Variants in DHX36 observed in about 807,000 individuals in gnomAD.
DHX36 encodes the protein DEAH-box helicase 36, also known as ATP-dependent DNA/RNA helicase DHX36.
DHX36 carries 50 observed loss-of-function variants against 139.0 expected under a neutral mutation model. The ratio of observed to expected loss-of-function variants is 0.36; its 90% confidence interval spans 0.29 to 0.46. The LOEUF is 0.46. Ranked by LOEUF, DHX36 falls within the 20% of genes least tolerant of loss-of-function variation. The pLI, the probability that DHX36 is intolerant of heterozygous loss-of-function variation, is 1.00. For missense variants in DHX36, 1,024 were observed against 1,211.3 expected (o/e 0.85, Z 2.29); for synonymous variants, 425 against 401.9 (o/e 1.06, Z -0.69).
intron 1 of DHX36, among the ~76,000 whole-genome samples, chr3:154,323,258 T>C (rs1051548113): frequency 4.0e-5 from 6 of 151,828 alleles, no homozygotes; most frequent in African/African-American, 1.5e-4. Context: ...TCGCTTGAAC[T>C]TGGGAGGCGG....
chr3:154,308,884 G>T (rs902979592), intron 5 of DHX36, among the ~76,000 whole-genome samples: 2 of 152,064 alleles, frequency 1.3e-5, no homozygotes, highest in African/African-American at 2.4e-5. Context: ...CTGAGTAGCT[G>T]CATTCAAAAA....
intron 9 of DHX36, 38 bp from the exon 10 acceptor site, chr3:154,301,165 GA>G (rs772157152): frequency 3.2e-6 from 5 of 1,541,478 alleles, no homozygotes; most frequent in Non-Finnish European, 4.3e-6. Flanking sequence ...TCACTTTTTT[GA>G]AACTCTAGTT....
At chr3:154,312,852 AAT>A (rs67771264) in intron 3 of DHX36, among the ~76,000 whole-genome samples, 1,001 of 39,542 alleles carry the variant, frequency 0.025, 6 homozygotes, top group Non-Finnish European at 0.033. Context: ...AAATAATTAA[AAT>A]ATATATATAT....
intron 6 of DHX36, 75 bp from the exon 7 acceptor site, chr3:154,305,243 T>C (rs2108355618): frequency 7.8e-7 from 1 of 1,279,242 alleles, no homozygotes; most frequent in East Asian, 2.4e-5. Context: ...GGTTTATATC[T>C]TCAATTTTAG....
rs573695069 is a variant in DHX36 at position 154,277,832 on chromosome 3, G to A, written c.2568-114C>T. The A allele has an allele frequency of 1.3e-4, 129 of 987,658 alleles. 1 individual carries two copies. The South Asian group carries it at 1.5e-3, about 12-fold the overall frequency. 61.2% of individuals were successfully genotyped at this position (987,658 alleles called of 1,614,324 possible). On this transcript the variant is annotated intron_variant, in intron 22 of 24. Transcript: ENST00000496811. Reference sequence around the variant, plus strand: ...GCTTGGTAAAAACCAAACAAATCCCGGAATCTAAAAAAATTCCAGAGAATA... The same window carrying A: ...GCTTGGTAAAAACCAAACAAATCCCAGAATCTAAAAAAATTCCAGAGAATA...
At chr3:154,308,967 C>T (rs115594957) in intron 5 of DHX36, among the ~76,000 whole-genome samples, 2 of 151,944 alleles carry the variant, frequency 1.3e-5, no homozygotes, top group African/African-American at 2.4e-5. Context: ...GTGGGCAGAT[C>T]GCTTGAGCCC....
At chr3:154,308,320 A>G (rs1475030425) in intron 5 of DHX36, among the ~76,000 whole-genome samples, 1 of 152,226 alleles carries the variant, frequency 6.6e-6, no homozygotes, top group Non-Finnish European at 1.5e-5. Flanking sequence ...AAGTGCTGTC[A>G]TAATTGGTAA....
At chr3:154,299,578 C>T (rs1325955366) in intron 12 of DHX36, among the ~76,000 whole-genome samples, 1 of 152,058 alleles carries the variant, frequency 6.6e-6, no homozygotes, top group Admixed American at 6.6e-5. Context: ...AATTCAGAAA[C>T]ACTGGGCCAA....
chr3:154,289,364 T>C (rs2108341172), intron 16 of DHX36, among the ~76,000 whole-genome samples: 1 of 152,326 alleles, frequency 6.6e-6, no homozygotes, highest in South Asian at 2.1e-4. Context: ...TAACATGTAA[T>C]AACAGTAGCT....
At position 154,300,994 on chromosome 3, in the gene DHX36, G is replaced by A. The variant is rs1712251476; in HGVS notation, c.1351C>T (p.Arg451Ter). The change falls in exon 10 of 25, where the codon CGA (arginine) becomes TGA (stop). Residue 451 changes from arginine to a stop codon, truncating the protein, a stop_gained. Transcript: ENST00000496811. LOFTEE classifies it high-confidence loss of function. ...ERWPDYVRELRRRYSASTVDV... is the reference protein window; with the variant it reads ...ERWPDYVREL ...CAGACAAAATAAACTTACCTTCTTC[G>A]CAGTTCCCTTACATAATCTGGCCAA... 9 of 1,609,700 alleles carry A rather than the reference G, an allele frequency of 5.6e-6. No individual in the cohort carries two copies. The highest frequency in any genetic ancestry group is 1.3e-5 in the African/African-American group (1 of 74,528).
chr3:154,291,221 T>C (rs1285965230), intron 15 of DHX36, among the ~76,000 whole-genome samples: 1 of 151,638 alleles, frequency 6.6e-6, no homozygotes, highest in African/African-American at 2.4e-5. Flanking sequence ...ATAATAAGGT[T>C]TGCAGAAGGA....
At chr3:154,288,804 T>C (rs1312770282) in intron 17 of DHX36, 62 bp downstream of exon 17, 1 of 949,554 alleles carries the variant, frequency 1.1e-6, no homozygotes, top group African/African-American at 1.7e-5. Flanking sequence ...ACATTATAAT[T>C]AACTGGTTTA....
chr3:154,306,612 T>C (rs1488678585), intron 5 of DHX36, among the ~76,000 whole-genome samples: 1 of 152,194 alleles, frequency 6.6e-6, no homozygotes, highest in Non-Finnish European at 1.5e-5. Context: ...TCTAAACTTG[T>C]AGAAGTTATG....
intron 3 of DHX36, among the ~76,000 whole-genome samples, chr3:154,313,157 C>T (rs1712837879): frequency 6.6e-6 from 1 of 151,720 alleles, no homozygotes; most frequent in Non-Finnish European, 1.5e-5. Flanking sequence ...TCAAATGTTA[C>T]CATCTTAACA....
At chr3:154,285,067 G>A in intron 17 of DHX36, 80 bp from the exon 18 acceptor site, 13 of 1,424,110 alleles carry the variant, frequency 9.1e-6, no homozygotes, top group East Asian at 4.6e-5. Context: ...TTTAAAAAGA[G>A]TAACAAGCCA....
chr3:154,277,619 G>A lies in DHX36; in HGVS notation c.2667C>T (p.His889=), dbSNP rs368518294. Residue 889 remains histidine (H), a synonymous_variant, in exon 23 of 25, where the codon CAC becomes CAT. Transcript: ENST00000496811. ...TTACACTGCTTGTTCTCATCTTTAG[G>A]TGATAGATAAGCCAGTTGTAGTGAA... ...TDFHYNWLIY[H]LKMRTSSIYL... The A allele has an allele frequency of 2.9e-5, 47 of 1,611,072 alleles. 1 individual carries two copies. In the African/African-American group the frequency reaches 5.6e-4, roughly 19 times the overall value.
At chr3:154,277,065 T>A (rs578119150) in intron 23 of DHX36, among the ~76,000 whole-genome samples, 166 bp from the exon 24 acceptor site, 23 of 152,342 alleles carry the variant, frequency 1.5e-4, no homozygotes, top group African/African-American at 5.5e-4. Flanking sequence ...AAATGAGCCA[T>A]CTTCATTATT....
intron 12 of DHX36, among the ~76,000 whole-genome samples, chr3:154,295,780 TTTTTTTG>T (rs1417534968): frequency 6.6e-6 from 1 of 152,184 alleles, no homozygotes; most frequent in Non-Finnish European, 1.5e-5. Flanking sequence ...GGTGATCCTA[TTTTTTTG>T]TTGTTCAGTC....
At chr3:154,287,809 A>G (rs916269598) in intron 17 of DHX36, among the ~76,000 whole-genome samples, 2 of 152,202 alleles carry the variant, frequency 1.3e-5, no homozygotes, top group Non-Finnish European at 2.9e-5. Context: ...AGAAGACACT[A>G]GCAATTTATG....
Sources: allele counts gnomAD v4.1 joint callset (sites outside exome capture counted in the v4.1 genomes callset), GRCh38; gene constraint gnomAD v4.1.1; transcripts MANE v1.5; gene names NCBI Gene and HGNC (gene_info 2026-07-23, HGNC 2026-07-21).